IMMP2L: variants seen among roughly 807,000 people sequenced by gnomAD.
The protein encoded by IMMP2L is mitochondrial inner membrane protease subunit 2.
IMMP2L carries 18 observed loss-of-function variants against 19.3 expected under a neutral mutation model. The observed-to-expected ratio is 0.93, with a 90% CI of 0.64 to 1.38. IMMP2L has a LOEUF of 1.38. Among genes scored for constraint, IMMP2L ranks in the 40% most tolerant of loss-of-function variants. The pLI is 0.00. For missense variants in IMMP2L, 233 were observed against 218.2 expected, an observed-to-expected ratio of 1.07 and a Z score of -0.43; for synonymous variants, 76 against 73.0, an observed-to-expected ratio of 1.04 and a Z score of -0.21.
intron 5 of IMMP2L, among the ~76,000 whole-genome samples, chr7:110,772,642 T>G (rs1799112518): frequency 6.6e-6 from 1 of 152,120 alleles, no homozygotes; most frequent in Non-Finnish European, 1.5e-5. Flanking sequence ...GAGGCTCTTG[T>G]TCAGAAATTA....
intron 3 of IMMP2L, among the ~76,000 whole-genome samples, chr7:111,355,842 T>C (rs930351145): frequency 6.6e-6 from 1 of 152,002 alleles, no homozygotes; most frequent in East Asian, 1.9e-4. Flanking sequence ...TTATTAATAG[T>C]GCTCTTTAAG....
chr7:110,886,444 T>C (rs1050416300), intron 5 of IMMP2L, 149 bp downstream of exon 5: 1 of 595,068 alleles, frequency 1.7e-6, no homozygotes, highest in South Asian at 2.1e-5. Context: ...TTATCTATGA[T>C]ACTTAAAAGG....
chr7:111,329,606 C>T (rs947643726), intron 3 of IMMP2L, among the ~76,000 whole-genome samples: 2 of 151,858 alleles, frequency 1.3e-5, no homozygotes, highest in Admixed American at 6.6e-5. Context: ...GACTTGAAAA[C>T]GCACATGGGA....
At chr7:110,897,661 T>C (rs1165100215) in intron 4 of IMMP2L, among the ~76,000 whole-genome samples, 1 of 152,016 alleles carries the variant, frequency 6.6e-6, no homozygotes, top group Non-Finnish European at 1.5e-5. Context: ...CTGTTCAGAG[T>C]GGCAAAAAAT....
At chr7:111,055,464 A>C (rs1027487072) in intron 3 of IMMP2L, among the ~76,000 whole-genome samples, 1 of 152,122 alleles carries the variant, frequency 6.6e-6, no homozygotes, top group Non-Finnish European at 1.5e-5. Context: ...GCCTGTTTCC[A>C]TTGCTAAGAT....
At chr7:110,698,980 G>A (rs368324962) in intron 5 of IMMP2L, among the ~76,000 whole-genome samples, 2 of 152,166 alleles carry the variant, frequency 1.3e-5, no homozygotes, top group East Asian at 1.9e-4. Context: ...TGAAGGGTGA[G>A]GTGCTTTGAC....
At chr7:111,079,931 C>T (rs1382965119) in intron 3 of IMMP2L, among the ~76,000 whole-genome samples, 1 of 152,052 alleles carries the variant, frequency 6.6e-6, no homozygotes, top group East Asian at 1.9e-4. Flanking sequence ...GCTCTTTTAC[C>T]ATGTGATGCC....
chr7:111,454,877 C>T (rs981377970), intron 3 of IMMP2L, among the ~76,000 whole-genome samples: 1 of 152,014 alleles, frequency 6.6e-6, no homozygotes, highest in African/African-American at 2.4e-5. Flanking sequence ...CATAAGAAAA[C>T]ATCAGGTAAT....
At chr7:111,533,338 A>G (rs1310363249) in intron 1 of IMMP2L, among the ~76,000 whole-genome samples, 1 of 152,182 alleles carries the variant, frequency 6.6e-6, no homozygotes, top group Non-Finnish European at 1.5e-5. Context: ...CTGTTTTAAG[A>G]TACCTGTGAA....
At chr7:111,138,121 G>A (rs1328673037) in intron 3 of IMMP2L, among the ~76,000 whole-genome samples, 4 of 152,152 alleles carry the variant, frequency 2.6e-5, no homozygotes, top group Non-Finnish European at 5.9e-5. Flanking sequence ...CTGAGCCACC[G>A]TGACCAGCCT....
At chr7:110,930,592 GA>G (rs1351294704) in intron 4 of IMMP2L, among the ~76,000 whole-genome samples, 1 of 152,196 alleles carries the variant, frequency 6.6e-6, no homozygotes, top group Non-Finnish European at 1.5e-5. Flanking sequence ...CTGGGTCACA[GA>G]AAGTGGCCCA....
chr7:110,739,492 C>T (rs1796854178), intron 5 of IMMP2L, among the ~76,000 whole-genome samples: 1 of 152,064 alleles, frequency 6.6e-6, no homozygotes, highest in South Asian at 2.1e-4. Flanking sequence ...GATAAAAGAA[C>T]TAGTCCCATA....
At chr7:110,850,990 G>C (rs1806160739) in intron 5 of IMMP2L, among the ~76,000 whole-genome samples, 1 of 151,912 alleles carries the variant, frequency 6.6e-6, no homozygotes, top group Non-Finnish European at 1.5e-5. Context: ...AATTTGTTCA[G>C]CATCACAAAA....
At chr7:111,443,064 T>A (rs1837907509) in intron 3 of IMMP2L, among the ~76,000 whole-genome samples, 1 of 151,942 alleles carries the variant, frequency 6.6e-6, no homozygotes, top group South Asian at 2.1e-4. Context: ...AGAGCATGTA[T>A]CACAAACTTC....
chr7:111,350,753 A>T (rs1828065443), intron 3 of IMMP2L, among the ~76,000 whole-genome samples: 1 of 152,120 alleles, frequency 6.6e-6, no homozygotes. Flanking sequence ...CATAACATTT[A>T]ATAGTTTATT....
At chr7:110,823,648 T>A (rs535880473) in intron 5 of IMMP2L, among the ~76,000 whole-genome samples, 18 of 152,206 alleles carry the variant, frequency 1.2e-4, no homozygotes, top group Admixed American at 8.5e-4. Flanking sequence ...TCAGAGTTCT[T>A]CCTACTGTGA....
At chr7:111,510,725 A>G (rs992957371) in intron 2 of IMMP2L, among the ~76,000 whole-genome samples, 1 of 152,096 alleles carries the variant, frequency 6.6e-6, no homozygotes, top group Non-Finnish European at 1.5e-5. Flanking sequence ...TAAACTGTTC[A>G]TTCTGCCCTG....
intron 3 of IMMP2L, among the ~76,000 whole-genome samples, chr7:111,292,239 C>G (rs1047185455): frequency 1.3e-5 from 2 of 152,144 alleles, no homozygotes; most frequent in Admixed American, 1.3e-4. Context: ...TTTAGACTTT[C>G]ATCACATAGC....
intron 3 of IMMP2L, among the ~76,000 whole-genome samples, chr7:111,274,826 T>C (rs1482106559): frequency 6.6e-6 from 1 of 152,206 alleles, no homozygotes; most frequent in African/African-American, 2.4e-5. Context: ...GTTTTTCTTG[T>C]TATTCCCAAC....
Sources: allele counts gnomAD v4.1 joint callset (sites outside exome capture counted in the v4.1 genomes callset), GRCh38; gene constraint gnomAD v4.1.1; transcripts MANE v1.5; gene names NCBI Gene and HGNC (gene_info 2026-07-23, HGNC 2026-07-21).